AK8: variants seen among roughly 807,000 people sequenced by gnomAD.
AK8 encodes adenylate kinase 8.
In AK8, 44 loss-of-function variants were observed where a neutral mutation model predicts 54.6. That is an observed-to-expected ratio of 0.81 (90% confidence interval 0.63 to 1.04). The LOEUF is 1.04. Ranked by LOEUF, AK8 falls within the 50% of genes least tolerant of loss-of-function variation. The probability of loss-of-function intolerance (pLI) is 0.00; values close to 1 mark genes in which losing one functional copy is unlikely to be tolerated. For missense variants in AK8, 555 were observed against 613.6 expected, an observed-to-expected ratio of 0.90 and a Z score of 1.01; for synonymous variants, 239 against 245.6, an observed-to-expected ratio of 0.97 and a Z score of 0.25.
rs541340285 is a variant in AK8 at position 132,784,282 on chromosome 9, G to C, written c.1121+8352C>G. Among the ~76,000 whole-genome samples, 17 of 79,506 alleles carry C rather than the reference G, an allele frequency of 2.1e-4. 1 individual carries two copies. The South Asian group carries it at 9.3e-3, about 43-fold the overall frequency. 52.2% of individuals were successfully genotyped at this position (79,506 alleles called of 152,430 possible). A position where few individuals can be genotyped will look rare whatever the true frequency, so the allele number is the denominator to read the frequency against. On this transcript the variant is annotated intron_variant, in intron 11 of 12. Coordinates refer to ENST00000298545, the MANE Select transcript of AK8 (RefSeq NM_152572.3). ...TGCCTGTAATCCCAGCACTTTGGGA[G>C]GTTGAGGGGGTGGATCACCTGAGGT...
chr9:132,827,535 C>T (rs989152944), intron 7 of AK8: 10 of 212,204 alleles, frequency 4.7e-5, no homozygotes, highest in Non-Finnish European at 4.8e-5. Context: ...CGTCTCCCCC[C>T]ACCCTCCCGC....
At chr9:132,777,155 T>C (rs938141711) in intron 11 of AK8, among the ~76,000 whole-genome samples, 3 of 152,138 alleles carry the variant, frequency 2.0e-5, no homozygotes, top group African/African-American at 7.2e-5. Context: ...CACAAAATCT[T>C]GCGACTGGTA....
chr9:132,771,963 C>T (rs74725206), intron 11 of AK8, among the ~76,000 whole-genome samples: 1 of 152,080 alleles, frequency 6.6e-6, no homozygotes, highest in Non-Finnish European at 1.5e-5. Context: ...GCAGGCAAAG[C>T]GAGAGAACTT....
At chr9:132,820,573 TA>T (rs759554021) in intron 9 of AK8, among the ~76,000 whole-genome samples, 9 of 152,246 alleles carry the variant, frequency 5.9e-5, no homozygotes, top group Non-Finnish European at 8.8e-5. Context: ...TGGAGCAGAA[TA>T]AACTCCTAGG....
intron 10 of AK8, among the ~76,000 whole-genome samples, chr9:132,801,662 T>C (rs215178): frequency 0.28 from 42,859 of 152,134 alleles, 6,177 homozygotes; most frequent in East Asian, 0.48. Flanking sequence ...AACAGAACCA[T>C]GAGCCCAGTT....
At chr9:132,832,374 G>C (rs1842144447) in intron 5 of AK8, among the ~76,000 whole-genome samples, 1 of 152,074 alleles carries the variant, frequency 6.6e-6, no homozygotes, top group African/African-American at 2.4e-5. Flanking sequence ...CTCTTAGAAA[G>C]AGCAAACATC....
At chr9:132,736,055 A>C (rs1451628629) in intron 11 of AK8, among the ~76,000 whole-genome samples, 1 of 152,262 alleles carries the variant, frequency 6.6e-6, no homozygotes, top group Non-Finnish European at 1.5e-5. Context: ...ACACATACCT[A>C]AACATAGAAA....
At chr9:132,859,817 A>T (rs1843315185) in intron 4 of AK8, among the ~76,000 whole-genome samples, 1 of 152,172 alleles carries the variant, frequency 6.6e-6, no homozygotes, top group Admixed American at 6.5e-5. Flanking sequence ...GAAGAACGGG[A>T]GGCAAAGGTG....
At chr9:132,744,409 A>G (rs1265789781) in intron 11 of AK8, among the ~76,000 whole-genome samples, 1 of 136,524 alleles carries the variant, frequency 7.3e-6, no homozygotes, top group East Asian at 2.1e-4. Context: ...AGGAGAATAG[A>G]CACGTGCCAA....
At chr9:132,751,612 C>T (rs768973146) in intron 11 of AK8, among the ~76,000 whole-genome samples, 1 of 151,466 alleles carries the variant, frequency 6.6e-6, no homozygotes, top group African/African-American at 2.4e-5. Context: ...GCCGAGAAGC[C>T]TGTGACATCC....
chr9:132,741,987 A>G (rs947152090), intron 11 of AK8, among the ~76,000 whole-genome samples: 7 of 152,192 alleles, frequency 4.6e-5, no homozygotes, highest in Admixed American at 1.3e-4. Flanking sequence ...CACTTAACAC[A>G]TAATTACATA....
chr9:132,839,597 G>A (rs185822125), intron 5 of AK8, among the ~76,000 whole-genome samples: 24 of 152,250 alleles, frequency 1.6e-4, no homozygotes, highest in Non-Finnish European at 2.6e-4. Context: ...CAGCAGCACC[G>A]GGGAGGATGC....
intron 11 of AK8, among the ~76,000 whole-genome samples, chr9:132,752,749 C>CT (rs1838001473): frequency 6.7e-6 from 1 of 150,110 alleles, no homozygotes; most frequent in African/African-American, 2.5e-5. Context: ...AGAACTCTTC[C>CT]TCCCCTCCTC....
At chr9:132,785,946 C>T (rs1042255334) in intron 11 of AK8, among the ~76,000 whole-genome samples, 2 of 152,180 alleles carry the variant, frequency 1.3e-5, no homozygotes, top group African/African-American at 4.8e-5. Flanking sequence ...CCAAATCCCA[C>T]AGAAAAACGA....
intron 7 of AK8, chr9:132,827,578 C>T (rs1841925981): frequency 4.8e-6 from 1 of 208,898 alleles, no homozygotes; most frequent in South Asian, 9.5e-5. Flanking sequence ...GTCTTCAAGG[C>T]CCAGTTCAAG....
rs542663710 is a variant in AK8 at position 132,804,736 on chromosome 9, C to T, written c.979+9902G>A. On this transcript the variant is annotated intron_variant, in intron 10 of 12. Coordinates refer to ENST00000298545, the MANE Select transcript of AK8 (RefSeq NM_152572.3). ...CAGGGCGTGGTCCCCGCTTCCCTCC[C>T]TCTATGTCCGATGAGGCTGTGCCAA... 2.6e-5 allele frequency among the ~76,000 whole-genome samples: 4 copies of T among 152,300 alleles called. No homozygotes were observed. In the South Asian group the frequency reaches 8.3e-4, roughly 32 times the overall value.
chr9:132,810,223 C>T (rs569000581), intron 10 of AK8, among the ~76,000 whole-genome samples: 11 of 152,128 alleles, frequency 7.2e-5, no homozygotes, highest in African/African-American at 1.2e-4. Flanking sequence ...GTAGGAAGAG[C>T]GAAAGTATAG....
At chr9:132,764,247 T>C (rs1052022094) in intron 11 of AK8, among the ~76,000 whole-genome samples, 28 of 152,124 alleles carry the variant, frequency 1.8e-4, no homozygotes, top group African/African-American at 6.8e-4. Flanking sequence ...GAGGTAGACG[T>C]TGCAGTGAGC....
intron 3 of AK8, 25 bp from the exon 4 acceptor site, chr9:132,863,803 G>A: frequency 1.3e-6 from 2 of 1,538,536 alleles, no homozygotes; most frequent in Non-Finnish European, 1.8e-6. Flanking sequence ...GAAGAAAAGG[G>A]CATTTTCATA....
Sources: allele counts gnomAD v4.1 joint callset (sites outside exome capture counted in the v4.1 genomes callset), GRCh38; gene constraint gnomAD v4.1.1; transcripts MANE v1.5; gene names NCBI Gene and HGNC (gene_info 2026-07-23, HGNC 2026-07-21).